Variants in MGST1 observed in about 807,000 individuals in gnomAD.
The protein encoded by MGST1 is glutathione S-transferase 12.
MGST1 carries 5 observed loss-of-function variants against 8.9 expected under a neutral mutation model. That is an observed-to-expected ratio of 0.56 (90% CI 0.29 to 1.19). The LOEUF (loss-of-function observed/expected upper bound fraction) is 1.19. Ranked by LOEUF, MGST1 falls within the 50% of genes most tolerant of loss-of-function variation. The pLI is 0.08. For missense variants in MGST1, 182 were observed against 187.4 expected (o/e 0.97, Z 0.17); for synonymous variants, 54 against 67.8 (o/e 0.80, Z 1.00).
intron 4 of MGST1, among the ~76,000 whole-genome samples, chr12:16,583,317 T>A (rs78218095): frequency 0.12 from 17,609 of 151,672 alleles, 2,175 homozygotes; most frequent in African/African-American, 0.31. Flanking sequence ...TCTTTTTTTT[T>A]AAAAAAATTA....
At chr12:16,387,680 CCA>C (rs1940516352) in intron 1 of MGST1, among the ~76,000 whole-genome samples, 1 of 152,042 alleles carries the variant, frequency 6.6e-6, no homozygotes, top group East Asian at 1.9e-4. Context: ...GCGCCCACCA[CCA>C]CGCCTGGCTA....
chr12:16,507,431 GA>G (rs1205288239), intron 4 of MGST1, among the ~76,000 whole-genome samples: 1 of 151,790 alleles, frequency 6.6e-6, no homozygotes, highest in Non-Finnish European at 1.5e-5. Flanking sequence ...GACTGAAGAG[GA>G]AAAAAATGCC....
intron 4 of MGST1, among the ~76,000 whole-genome samples, chr12:16,571,643 G>A (rs1942815158): frequency 6.6e-6 from 1 of 151,962 alleles, no homozygotes; most frequent in African/African-American, 2.4e-5. Flanking sequence ...TAGCCAAAGA[G>A]CAATGAGAAC....
chr12:16,530,181 T>C (rs1399265585), intron 4 of MGST1, among the ~76,000 whole-genome samples: 1 of 152,158 alleles, frequency 6.6e-6, no homozygotes, highest in Non-Finnish European at 1.5e-5. Flanking sequence ...AAATGATGTT[T>C]TTATACTTCA....
chr12:16,375,614 G>A (rs1940367241), intron 3 of MGST1, among the ~76,000 whole-genome samples: 1 of 151,886 alleles, frequency 6.6e-6, no homozygotes, highest in African/African-American at 2.4e-5. Flanking sequence ...AAACAAATGA[G>A]TAATTATATC....
At chr12:16,426,189 A>G (rs1398325515) in intron 1 of MGST1, among the ~76,000 whole-genome samples, 1 of 152,224 alleles carries the variant, frequency 6.6e-6, no homozygotes, top group South Asian at 2.1e-4. Context: ...TTGCTTTACA[A>G]TCTTCATCTC....
chr12:16,565,400 A>G (rs1177898954), intron 4 of MGST1, among the ~76,000 whole-genome samples: 2 of 152,194 alleles, frequency 1.3e-5, no homozygotes, highest in Non-Finnish European at 2.9e-5. Context: ...TAGAAAATGA[A>G]AACACTTTAA....
Position 16,401,850 on chromosome 12 carries a change from G to C in MGST1, n.778+18246G>C. The C allele has an allele frequency of 6.2e-7, 1 of 1,605,272 alleles. No individual in the cohort carries two copies. Among genetic ancestry groups the C allele is most frequent in the Non-Finnish European group, 8.5e-7 (1 of 1,171,900 alleles). ...CTTGAAGAATTTGTTGAAGACTTCA[G>C]AAGTGATGCCAGCTGCTTTCTTCAT... On this transcript the variant is annotated intron_variant and non_coding_transcript_variant, in intron 1 of 1. Coordinates refer to the MGST1 transcript ENST00000359720. The surrounding 1 kb of genome is among the most constrained non-coding windows in gnomAD (Gnocchi z 4.3).
At chr12:16,556,515 G>A (rs1334419237) in intron 4 of MGST1, among the ~76,000 whole-genome samples, 1 of 152,156 alleles carries the variant, frequency 6.6e-6, no homozygotes, top group Non-Finnish European at 1.5e-5. Context: ...TGATTTAAAG[G>A]TAAAGATGAA....
chr12:16,499,961 G>C (rs1359912507), intron 4 of MGST1, among the ~76,000 whole-genome samples: 1 of 152,074 alleles, frequency 6.6e-6, no homozygotes, highest in African/African-American at 2.4e-5. Flanking sequence ...AAATGTTAAA[G>C]GTACAATGAG....
At chr12:16,538,044 T>C (rs915158399) in intron 4 of MGST1, among the ~76,000 whole-genome samples, 3 of 152,302 alleles carry the variant, frequency 2.0e-5, no homozygotes, top group Admixed American at 1.3e-4. Flanking sequence ...TTTTATGCTC[T>C]TTTTCCCTTT....
At chr12:16,488,141 A>G (rs1481519649) in intron 4 of MGST1, among the ~76,000 whole-genome samples, 1 of 152,220 alleles carries the variant, frequency 6.6e-6, no homozygotes, top group Non-Finnish European at 1.5e-5. Flanking sequence ...AGGGTCTAGG[A>G]GAATGTGAAG....
intron 4 of MGST1, among the ~76,000 whole-genome samples, chr12:16,487,532 A>G (rs916557124): frequency 3.3e-5 from 5 of 152,220 alleles, no homozygotes; most frequent in African/African-American, 1.2e-4. Context: ...GTAAAGAAAT[A>G]TGGAGGGAGA....
chr12:16,347,438 T>C (rs1394345311), upstream of MGST1, among the ~76,000 whole-genome samples: 1 of 151,596 alleles, frequency 6.6e-6, no homozygotes, highest in Non-Finnish European at 1.5e-5. The surrounding 1 kb of genome is among the most constrained non-coding windows in gnomAD (Gnocchi z 4.0). Context: ...ATTAGGGGAG[T>C]TGGCATTTCA....
chr12:16,400,721 A>G, intron 1 of MGST1: 1 of 1,332,152 alleles, frequency 7.5e-7, no homozygotes, highest in South Asian at 1.2e-5. Context: ...GTTGATTTGC[A>G]AGTAAGTATA....
chr12:16,516,336 C>A (rs962700156), intron 4 of MGST1, among the ~76,000 whole-genome samples: 3 of 152,206 alleles, frequency 2.0e-5, no homozygotes, highest in Non-Finnish European at 4.4e-5. Flanking sequence ...ATTAGCCATA[C>A]AGCCCCAACT....
intron 4 of MGST1, among the ~76,000 whole-genome samples, chr12:16,527,946 A>G (rs1591752625): frequency 6.6e-6 from 1 of 152,022 alleles, no homozygotes; most frequent in Non-Finnish European, 1.5e-5. Flanking sequence ...AAAAAAGAAT[A>G]TAAGGCTCAA....
chr12:16,482,937 T>C lies in MGST1; in HGVS notation n.482+99333T>C, dbSNP rs112635510. Among the ~76,000 whole-genome samples the C allele has an allele frequency of 3.4e-3, 511 of 152,320 alleles. 6 individuals carry two copies. The highest frequency in any genetic ancestry group is 0.012 in the African/African-American group (500 of 41,578). On this transcript the variant is annotated intron_variant and non_coding_transcript_variant, in intron 4 of 4. Coordinates refer to the MGST1 transcript ENST00000538857. The surrounding 1 kb of genome is among the most constrained non-coding windows in gnomAD (Gnocchi z 4.2). ...GACGTGCTCTGGCTCAAATAATTCA[T>C]GAGTCCTCCAAGTAAGACTAATGTA...
chr12:16,457,009 G>T (rs997169895), intron 4 of MGST1, among the ~76,000 whole-genome samples: 1 of 151,786 alleles, frequency 6.6e-6, no homozygotes, highest in African/African-American at 2.4e-5. Flanking sequence ...TCCTAAACCT[G>T]ACTTGTCACT....
Sources: gnomAD v4.1 joint callset for allele counts (sites outside exome capture counted in the v4.1 genomes callset) on GRCh38, gnomAD v4.1.1 for gene constraint, Gnocchi (gnomAD v3.1) non-coding constraint, MANE v1.5 for transcripts, NCBI Gene and HGNC (gene_info 2026-07-23, HGNC 2026-07-21) for gene names.